Variants in KLHL14 observed in about 807,000 individuals in gnomAD.
The protein encoded by KLHL14 is kelch like family member 14, also known as kelch-like protein 14.
In KLHL14, 22 loss-of-function variants were observed where a neutral mutation model predicts 64.3. The ratio of observed to expected loss-of-function variants is 0.34; its 90% CI spans 0.24 to 0.49. The LOEUF is 0.49. Among genes scored for constraint, KLHL14 ranks in the 20% least tolerant of loss-of-function variants. KLHL14 has a pLI of 0.99. For missense variants in KLHL14, 661 were observed against 789.0 expected (o/e 0.84, Z 1.94); for synonymous variants, 322 against 333.4 (o/e 0.97, Z 0.37).
intron 3 of KLHL14, among the ~76,000 whole-genome samples, chr18:32,734,802 A>T (rs1230885912): frequency 6.6e-6 from 1 of 152,188 alleles, no homozygotes; most frequent in Non-Finnish European, 1.5e-5. Flanking sequence ...ATCAGAGAGT[A>T]AGCAGTTTCC....
At chr18:32,741,213 C>T (rs1229720093) in intron 3 of KLHL14, among the ~76,000 whole-genome samples, 4 of 152,168 alleles carry the variant, frequency 2.6e-5, no homozygotes, top group African/African-American at 7.2e-5. Flanking sequence ...ACACAGCCTG[C>T]TGCACTCAAG....
chr18:32,741,701 A>G (rs1348033335), intron 3 of KLHL14, among the ~76,000 whole-genome samples: 2 of 152,104 alleles, frequency 1.3e-5, no homozygotes, highest in Non-Finnish European at 2.9e-5. Context: ...AGAAACGTAA[A>G]CCAGTACAGT....
At chr18:32,724,381 A>G (rs1179100844) in intron 3 of KLHL14, among the ~76,000 whole-genome samples, 1 of 152,184 alleles carries the variant, frequency 6.6e-6, no homozygotes, top group African/African-American at 2.4e-5. Context: ...GATAACATTT[A>G]TCCAATAAAT....
At chr18:32,746,230 C>T (rs1286852450) in intron 2 of KLHL14, among the ~76,000 whole-genome samples, 4 of 152,126 alleles carry the variant, frequency 2.6e-5, no homozygotes, top group African/African-American at 4.8e-5. Flanking sequence ...CTGAGTATAT[C>T]GTGGTTAATA....
chr18:32,708,757 G>A (rs1481878948), intron 3 of KLHL14, among the ~76,000 whole-genome samples: 1 of 152,158 alleles, frequency 6.6e-6, no homozygotes, highest in Non-Finnish European at 1.5e-5. Flanking sequence ...TTTCTTTTCT[G>A]ATCACAAATC....
In KLHL14 at chr18:32,691,478, A is replaced by G. The variant is rs137989075; in HGVS notation, c.1159+3985T>C. Reference sequence around the variant, plus strand: ...AGGATTGCTCAAAGTCGGGAGTTCAAGGCAGCAGTAAGCTATGATTGCACC... The same window carrying G: ...AGGATTGCTCAAAGTCGGGAGTTCAGGGCAGCAGTAAGCTATGATTGCACC... On this transcript the variant is annotated intron_variant, in intron 4 of 8. Transcript: ENST00000359358. 9.8e-5 allele frequency among the ~76,000 whole-genome samples: 15 copies of G among 152,296 alleles called. No individual in the cohort carries two copies. The South Asian group carries it at 1.0e-3, about 11-fold the overall frequency.
Position 32,742,056 on chromosome 18 carries a change from C to T in KLHL14, c.948-7G>A. Reference sequence around the variant, plus strand: ...TTTCTTGTTAGAGCGAATTCTTCACCCAAAACAAAAGAGGAGATGAATAAC... The same window carrying T: ...TTTCTTGTTAGAGCGAATTCTTCACTCAAAACAAAAGAGGAGATGAATAAC... On this transcript the variant is annotated splice_region_variant and splice_polypyrimidine_tract_variant and intron_variant, in intron 2 of 8. Coordinates refer to ENST00000359358, the MANE Select transcript of KLHL14 (RefSeq NM_020805.3). The T allele has an allele frequency of 6.2e-7, 1 of 1,611,686 alleles. No individual in the cohort carries two copies. Among genetic ancestry groups the T allele is most frequent in the Non-Finnish European group, 8.5e-7 (1 of 1,179,456 alleles).
chr18:32,690,584 C>T (rs1368333346), intron 4 of KLHL14, among the ~76,000 whole-genome samples: 1 of 152,058 alleles, frequency 6.6e-6, no homozygotes, highest in Non-Finnish European at 1.5e-5. Flanking sequence ...CAAAAATTAG[C>T]TGGGGATGGC....
chr18:32,770,611 C>A lies in KLHL14; in HGVS notation c.-20G>T. 1 of 1,488,798 alleles carries A rather than the reference C, an allele frequency of 6.7e-7. No homozygotes were observed. Among genetic ancestry groups the A allele is most frequent in the East Asian group, 2.5e-5 (1 of 39,518 alleles). 92.2% of individuals were successfully genotyped at this position (1,488,798 alleles called of 1,614,324 possible). ...GGACATGGCGAGCTGACTCGGTGCA[C>A]CTGGCTTTAAACCCTCCTCCAACCT... is the stretch of plus-strand genomic sequence containing the variant. On this transcript the variant is annotated 5_prime_UTR_variant, in exon 2 of 9. Coordinates refer to ENST00000359358, the MANE Select transcript of KLHL14 (RefSeq NM_020805.3). This position sits in a 1 kb window ranked among gnomAD's most constrained non-coding sequence, Gnocchi z 6.7.
chr18:32,717,054 T>C (rs2050049825), intron 3 of KLHL14, among the ~76,000 whole-genome samples: 1 of 152,212 alleles, frequency 6.6e-6, no homozygotes, highest in African/African-American at 2.4e-5. Flanking sequence ...ATGGGCAAGA[T>C]GTTGAACTAA....
Position 32,677,265 on chromosome 18 carries a change from G to T in KLHL14, c.1654C>A (p.Leu552Ile), listed in dbSNP as rs1398416252. The stretch of plus-strand genomic sequence containing the variant: ...CGACCCTCCAAAATGGGAGTTTGGA[G>T]TATATTCCACTGGTCACCTTTTGGG... ...YDPKGDQWNILQTPILEGRSG... is the reference protein window; with the variant it reads ...YDPKGDQWNIIQTPILEGRSG... The change falls in exon 8 of 9, where the codon CTC (leucine) becomes ATC (isoleucine). Residue 552 changes from leucine to isoleucine, a missense_variant. By Grantham distance (5) the Leu-to-Ile change is conservative (BLOSUM62 2). Transcript: ENST00000359358. The T allele has an allele frequency of 2.5e-6, 4 of 1,613,572 alleles. No individual in the cohort carries two copies. In the African/African-American group the frequency reaches 5.3e-5, roughly 22 times the overall value.
chr18:32,762,177 G>A (rs1318978242), intron 2 of KLHL14, among the ~76,000 whole-genome samples: 2 of 151,726 alleles, frequency 1.3e-5, no homozygotes, highest in Non-Finnish European at 2.9e-5. Flanking sequence ...AGGCGGTAAG[G>A]TACCATGATT....
chr18:32,768,770 T>C (rs945056008), intron 2 of KLHL14, among the ~76,000 whole-genome samples: 1 of 152,174 alleles, frequency 6.6e-6, no homozygotes, highest in African/African-American at 2.4e-5. Context: ...TCCCCTGAAA[T>C]CCTACTTGCA....
intron 3 of KLHL14, among the ~76,000 whole-genome samples, chr18:32,729,479 A>G (rs2140448): frequency 0.38 from 57,062 of 152,164 alleles, 12,855 homozygotes; most frequent in African/African-American, 0.64. Context: ...AAGTGCTATT[A>G]GCCTGTGCTA....
intron 4 of KLHL14, among the ~76,000 whole-genome samples, chr18:32,687,787 G>A (rs1458082920): frequency 6.6e-6 from 1 of 152,168 alleles, no homozygotes; most frequent in African/African-American, 2.4e-5. Context: ...TTTCCCACGT[G>A]TCCCCAGCCC....
chr18:32,713,643 G>T (rs528661924), intron 3 of KLHL14, among the ~76,000 whole-genome samples: 3 of 152,182 alleles, frequency 2.0e-5, no homozygotes, highest in African/African-American at 7.2e-5. Context: ...TCACTAATAT[G>T]TAAACATGAA....
At chr18:32,681,629 A>C (rs1031943839) in intron 5 of KLHL14, among the ~76,000 whole-genome samples, 1 of 152,152 alleles carries the variant, frequency 6.6e-6, no homozygotes, top group Non-Finnish European at 1.5e-5. Flanking sequence ...ATATTGAATA[A>C]GTGTAATTGT....
chr18:32,772,331 C>T (rs778244194), intron 1 of KLHL14: 168 of 263,714 alleles, frequency 6.4e-4, no homozygotes, highest in Middle Eastern at 1.3e-3. Context: ...GGCAGCACCC[C>T]CACGCCCGCC....
chr18:32,741,944 T>C lies in KLHL14; in HGVS notation c.1053A>G (p.Thr351=), dbSNP rs1598572374. The change falls in exon 3 of 9, where the codon ACA becomes ACG. Residue 351 remains threonine, a synonymous_variant. Coordinates refer to ENST00000359358, the MANE Select transcript of KLHL14 (RefSeq NM_020805.3). Reference sequence around the variant, plus strand: ...TGCACTCACTTGTGAGTATTTTCCATGTCTTCTTTTCATCGTCGTAATACT... The same window carrying C: ...TGCACTCACTTGTGAGTATTTTCCACGTCTTCTTTTCATCGTCGTAATACT... ...LVQYYDDEKK[T]WKILTIMPYN... 1 of 1,606,688 alleles carries C rather than the reference T, an allele frequency of 6.2e-7. No homozygotes were observed. Among genetic ancestry groups the C allele is most frequent in the Middle Eastern group, 1.7e-4 (1 of 6,042 alleles).
Sources: gnomAD v4.1 joint callset for allele counts (sites outside exome capture counted in the v4.1 genomes callset) on GRCh38, gnomAD v4.1.1 for gene constraint, Gnocchi (gnomAD v3.1) non-coding constraint, MANE v1.5 for transcripts, NCBI Gene and HGNC (gene_info 2026-07-23, HGNC 2026-07-21) for gene names.